FAF1: variants seen among roughly 807,000 people sequenced by gnomAD.
FAF1 encodes the protein Fas associated factor 1, also known as FAS-associated factor 1.
FAF1 carries 25 observed loss-of-function variants against 92.5 expected under a neutral mutation model. The ratio of observed to expected loss-of-function variants is 0.27; its 90% confidence interval spans 0.20 to 0.38. The LOEUF is 0.38. Ranked by LOEUF, FAF1 falls within the 10% of genes least tolerant of loss-of-function variation. FAF1 has a pLI of 1.00. For missense variants in FAF1, 636 were observed against 793.3 expected (o/e 0.80, Z 2.38); for synonymous variants, 234 against 273.2 (o/e 0.86, Z 1.42).
intron 2 of FAF1, among the ~76,000 whole-genome samples, chr1:50,830,110 G>GT (rs1236044406): frequency 2.0e-5 from 3 of 151,972 alleles, no homozygotes; most frequent in Admixed American, 2.0e-4. Context: ...TTTTGTTTTT[G>GT]TTTTTTGGGT....
intron 7 of FAF1, among the ~76,000 whole-genome samples, chr1:50,667,419 C>A (rs1655687038): frequency 6.6e-6 from 1 of 152,162 alleles, no homozygotes; most frequent in South Asian, 2.1e-4. Context: ...TCTCTCTCTC[C>A]ACAGTTGGGC....
intron 4 of FAF1, among the ~76,000 whole-genome samples, chr1:50,751,442 C>A (rs1659864817): frequency 6.6e-6 from 1 of 152,118 alleles, no homozygotes; most frequent in Non-Finnish European, 1.5e-5. Flanking sequence ...CTCCCAGGTT[C>A]AAGCAATTCT....
intron 13 of FAF1, among the ~76,000 whole-genome samples, chr1:50,563,465 A>G (rs1417663070): frequency 1.3e-5 from 2 of 152,080 alleles, no homozygotes; most frequent in Non-Finnish European, 2.9e-5. Flanking sequence ...GCACTTCTCA[A>G]GACTACCAAG....
chr1:50,624,005 G>C (rs557569119), intron 8 of FAF1, among the ~76,000 whole-genome samples: 1 of 125,454 alleles, frequency 8.0e-6, no homozygotes, highest in East Asian at 2.2e-4. Context: ...GAAGGAAGAA[G>C]AAGAAAGAAG....
At chr1:50,917,617 GAAAGGAA>G (rs1357816258) in intron 1 of FAF1, among the ~76,000 whole-genome samples, 1 of 125,448 alleles carries the variant, frequency 8.0e-6, no homozygotes, top group African/African-American at 3.0e-5. Context: ...AAGGAAAAGG[GAAAGGAA>G]AAAGGAAAGG....
intron 1 of FAF1, among the ~76,000 whole-genome samples, chr1:50,887,349 T>A (rs1013725048): frequency 6.6e-6 from 1 of 152,232 alleles, no homozygotes; most frequent in Non-Finnish European, 1.5e-5. Flanking sequence ...TGATGGTAGT[T>A]TCTTTTGCTG....
chr1:50,530,695 C>T (rs954849836), intron 15 of FAF1, among the ~76,000 whole-genome samples: 25 of 152,136 alleles, frequency 1.6e-4, no homozygotes, highest in Non-Finnish European at 2.2e-4. Flanking sequence ...ACCCCATTCT[C>T]CATGATGTGC....
chr1:50,739,250 CTATA>C (rs768762622), intron 5 of FAF1, among the ~76,000 whole-genome samples: 2 of 147,910 alleles, frequency 1.4e-5, no homozygotes, highest in East Asian at 2.0e-4. Flanking sequence ...ATATGTGTGT[CTATA>C]TATGTGCATG....
At chr1:50,871,541 C>T (rs956934129) in intron 1 of FAF1, among the ~76,000 whole-genome samples, 10 of 152,168 alleles carry the variant, frequency 6.6e-5, no homozygotes, top group Admixed American at 6.5e-4. Context: ...TATGCTAAAT[C>T]TATTCTGCCT....
At chr1:50,765,418 T>C (rs1415344692) in intron 4 of FAF1, among the ~76,000 whole-genome samples, 1 of 152,238 alleles carries the variant, frequency 6.6e-6, no homozygotes, top group African/African-American at 2.4e-5. Flanking sequence ...CCTTAATTTA[T>C]AGTATTAAAC....
At chr1:50,529,629 G>C (rs1049035290) in intron 15 of FAF1, among the ~76,000 whole-genome samples, 3 of 152,172 alleles carry the variant, frequency 2.0e-5, no homozygotes, top group Non-Finnish European at 2.9e-5. Flanking sequence ...GTAGCAGGAA[G>C]CTGAAGAATA....
At chr1:50,843,954 A>G (rs915906005) in intron 2 of FAF1, among the ~76,000 whole-genome samples, 3 of 152,166 alleles carry the variant, frequency 2.0e-5, no homozygotes, top group Non-Finnish European at 4.4e-5. Context: ...AGGAACCTCC[A>G]TACTGTTTTC....
chr1:50,616,095 C>T (rs945273519), intron 8 of FAF1, among the ~76,000 whole-genome samples: 2 of 152,158 alleles, frequency 1.3e-5, no homozygotes, highest in African/African-American at 2.4e-5. Flanking sequence ...TATCCCAGCA[C>T]ATTTATTGAA....
chr1:50,742,040 G>A (rs1659406979), intron 5 of FAF1, among the ~76,000 whole-genome samples: 1 of 152,154 alleles, frequency 6.6e-6, no homozygotes, highest in Non-Finnish European at 1.5e-5. Context: ...TGGGTGCCAT[G>A]GCTCATGCCT....
chr1:50,627,974 T>C (rs1198957990), intron 8 of FAF1, among the ~76,000 whole-genome samples: 1 of 152,094 alleles, frequency 6.6e-6, no homozygotes, highest in Non-Finnish European at 1.5e-5. Context: ...ATGGCATGAG[T>C]TGACGAATAA....
At chr1:50,660,556 G>C (rs1655328451) in intron 7 of FAF1, among the ~76,000 whole-genome samples, 1 of 151,492 alleles carries the variant, frequency 6.6e-6, no homozygotes, top group South Asian at 2.1e-4. Flanking sequence ...GAGTGCAGTA[G>C]GTTCTCGGCT....
chr1:50,774,224 T>C (rs1660874096), intron 4 of FAF1, among the ~76,000 whole-genome samples: 1 of 152,184 alleles, frequency 6.6e-6, no homozygotes, highest in Admixed American at 6.5e-5. Flanking sequence ...TTCATGCTGA[T>C]AGCATCTTTC....
At chr1:50,641,575 CAATA>C (rs1013200638) in intron 8 of FAF1, among the ~76,000 whole-genome samples, 1 of 152,078 alleles carries the variant, frequency 6.6e-6, no homozygotes, top group Non-Finnish European at 1.5e-5. Context: ...TGTATTGAGA[CAATA>C]AATAAATATT....
chr1:50,706,985 C>T (rs1657699391), intron 6 of FAF1, among the ~76,000 whole-genome samples: 1 of 152,232 alleles, frequency 6.6e-6, no homozygotes, highest in Middle Eastern at 3.4e-3. Flanking sequence ...CAGTGGATCA[C>T]GAGGTCAGGA....
Sources: gnomAD v4.1 joint callset for allele counts (sites outside exome capture counted in the v4.1 genomes callset) on GRCh38, gnomAD v4.1.1 for gene constraint, MANE v1.5 for transcripts, NCBI Gene and HGNC (gene_info 2026-07-23, HGNC 2026-07-21) for gene names.